Variants in NELL1 observed in about 807,000 individuals in gnomAD.
NELL1 encodes the protein protein kinase C-binding protein NELL1.
A neutral mutation model predicts 107.4 loss-of-function variants in NELL1; 76 were observed. That is an observed-to-expected ratio of 0.71 (90% confidence interval 0.59 to 0.86). NELL1 has a LOEUF of 0.86. Among genes scored for constraint, NELL1 ranks in the 40% least tolerant of loss-of-function variants. The pLI is 0.00. For missense variants in NELL1, 1,024 were observed against 1,005.5 expected (o/e 1.02, Z -0.25); for synonymous variants, 353 against 341.2 (o/e 1.03, Z -0.38).
chr11:20,995,066 TTTTGTTTTAGAATTGCAAGCTTCAA>T (rs1852059193), intron 12 of NELL1, among the ~76,000 whole-genome samples: 1 of 152,142 alleles, frequency 6.6e-6, no homozygotes, highest in Non-Finnish European at 1.5e-5. Flanking sequence ...CATGATGTTA[TTTTGTTTTAGAATTGCAAGCTTCAA>T]AAGGAGGCAG....
At chr11:20,916,753 T>C (rs1850267087) in intron 5 of NELL1, among the ~76,000 whole-genome samples, 1 of 151,912 alleles carries the variant, frequency 6.6e-6, no homozygotes, top group South Asian at 2.1e-4. Context: ...TTATTATTAT[T>C]ATTATTTGAA....
intron 15 of NELL1, among the ~76,000 whole-genome samples, chr11:21,482,510 C>A (rs1333457955): frequency 6.6e-6 from 1 of 152,148 alleles, no homozygotes; most frequent in Non-Finnish European, 1.5e-5. Context: ...TTTTGCAAAG[C>A]AGAGATAATA....
At chr11:21,263,184 T>C (rs1254102757) in intron 14 of NELL1, among the ~76,000 whole-genome samples, 1 of 151,854 alleles carries the variant, frequency 6.6e-6, no homozygotes, top group Non-Finnish European at 1.5e-5. Flanking sequence ...CTCACATCCT[T>C]CTTCTTGGGT....
At chr11:20,751,023 A>ATGTG (rs1554913197) in intron 2 of NELL1, among the ~76,000 whole-genome samples, 7 of 142,518 alleles carry the variant, frequency 4.9e-5, no homozygotes, top group Non-Finnish European at 1.0e-4. Flanking sequence ...TTATTTGTCT[A>ATGTG]TGTGTGTGTG....
chr11:21,113,794 G>C lies in NELL1; in HGVS notation c.1426+80G>C, dbSNP rs1292920151. ...TCTGTGTTATTATGTTTAATTCCTAGTGCACAAAGTACTATTTTTATCTAA... is the reference window on the plus strand; with the variant it reads ...TCTGTGTTATTATGTTTAATTCCTACTGCACAAAGTACTATTTTTATCTAA... On this transcript the variant is annotated intron_variant, in intron 13 of 19. Transcript: ENST00000357134. 6 of 1,411,964 alleles carry C rather than the reference G, an allele frequency of 4.2e-6. No individual in the cohort carries two copies. The African/African-American group carries it at 5.8e-5, about 14-fold the overall frequency. 87.5% of individuals were successfully genotyped at this position (1,411,964 alleles called of 1,614,324 possible).
chr11:20,878,082 C>G (rs10833405), intron 4 of NELL1, among the ~76,000 whole-genome samples: 89,616 of 151,972 alleles, frequency 0.59, 29,266 homozygotes, highest in Non-Finnish European at 0.74. Context: ...CCATTTGGGC[C>G]GGGCGCGGTG....
At chr11:20,889,349 T>A (rs1849571130) in intron 5 of NELL1, among the ~76,000 whole-genome samples, 1 of 152,224 alleles carries the variant, frequency 6.6e-6, no homozygotes, top group African/African-American at 2.4e-5. Context: ...TTCCAAGTTT[T>A]GAGAGAAAAT....
intron 12 of NELL1, among the ~76,000 whole-genome samples, chr11:20,995,841 G>A (rs1852080093): frequency 6.6e-6 from 1 of 152,114 alleles, no homozygotes; most frequent in Admixed American, 6.5e-5. Context: ...CTGGCTCACT[G>A]GAATGCTACG....
chr11:20,817,909 G>A, intron 3 of NELL1, among the ~76,000 whole-genome samples: 1 of 151,540 alleles, frequency 6.6e-6, no homozygotes, highest in Middle Eastern at 3.2e-3. Flanking sequence ...TAATTTCCAT[G>A]TAGTTGTATG....
intron 15 of NELL1, among the ~76,000 whole-genome samples, chr11:21,498,692 A>T (rs2133928408): frequency 6.6e-6 from 1 of 152,164 alleles, no homozygotes; most frequent in Non-Finnish European, 1.5e-5. Context: ...TTATTTCATC[A>T]CAGGATAGGA....
intron 15 of NELL1, among the ~76,000 whole-genome samples, chr11:21,450,205 C>A (rs983134687): frequency 6.6e-6 from 1 of 152,146 alleles, no homozygotes; most frequent in Non-Finnish European, 1.5e-5. Context: ...CAAATAAACT[C>A]TTTTAATCTG....
intron 13 of NELL1, among the ~76,000 whole-genome samples, chr11:21,193,934 A>T (rs1857098211): frequency 6.6e-6 from 1 of 151,790 alleles, no homozygotes; most frequent in Non-Finnish European, 1.5e-5. Flanking sequence ...GCTAGTTGCA[A>T]TGGGTTTCAT....
intron 14 of NELL1, among the ~76,000 whole-genome samples, chr11:21,241,788 A>G (rs1326816969): frequency 2.0e-5 from 3 of 151,308 alleles, no homozygotes; most frequent in Admixed American, 6.6e-5. Flanking sequence ...TATGCATGCC[A>G]CTCTGTTTGC....
rs147319291 is a variant in NELL1 at position 20,820,301 on chromosome 11, G to A, written c.336-27282G>A. 1.8e-3 allele frequency among the ~76,000 whole-genome samples: 267 copies of A among 152,270 alleles called. 2 individuals are homozygous for A. The highest frequency in any genetic ancestry group is 5.9e-3 in the African/African-American group (247 of 41,560). ...GGCAGACAGTCCTGTATGCTCTGGA[G>A]GCCTGTGGCCGGTTTACACCCATTC... On this transcript the variant is annotated intron_variant, in intron 3 of 19. Transcript: ENST00000357134.
At chr11:20,794,188 G>A (rs1857127781) in intron 3 of NELL1, among the ~76,000 whole-genome samples, 1 of 152,138 alleles carries the variant, frequency 6.6e-6, no homozygotes, top group African/African-American at 2.4e-5. Context: ...GAACAGTACT[G>A]GGAAATTCAG....
chr11:21,516,089 C>A (rs531371675), intron 15 of NELL1, among the ~76,000 whole-genome samples: 1 of 152,294 alleles, frequency 6.6e-6, no homozygotes, highest in South Asian at 2.1e-4. Flanking sequence ...AAAGGGGCAA[C>A]TTTGCTTATA....
intron 13 of NELL1, among the ~76,000 whole-genome samples, chr11:21,172,476 TC>T (rs1856628291): frequency 6.6e-6 from 1 of 151,794 alleles, no homozygotes; most frequent in African/African-American, 2.4e-5. Flanking sequence ...ATGCAGTTGA[TC>T]CCAGCTTTAA....
chr11:20,961,858 T>C (rs935846879), intron 12 of NELL1, among the ~76,000 whole-genome samples: 2 of 152,120 alleles, frequency 1.3e-5, no homozygotes, highest in Admixed American at 6.6e-5. Context: ...GGAATGACTA[T>C]ATATTGTTAA....
intron 12 of NELL1, among the ~76,000 whole-genome samples, chr11:20,980,769 G>T (rs1480639083): frequency 6.6e-6 from 1 of 152,086 alleles, no homozygotes; most frequent in Non-Finnish European, 1.5e-5. Flanking sequence ...GGAGTCCAAG[G>T]CCCTGGGATT....
Sources: gnomAD v4.1 joint callset for allele counts (sites outside exome capture counted in the v4.1 genomes callset) on GRCh38, gnomAD v4.1.1 for gene constraint, MANE v1.5 for transcripts, NCBI Gene and HGNC (gene_info 2026-07-23, HGNC 2026-07-21) for gene names.